MYCBP2: variants seen among roughly 807,000 people sequenced by gnomAD.
The protein encoded by MYCBP2 is MYC binding protein 2.
A neutral mutation model predicts 525.3 loss-of-function variants in MYCBP2; 120 were observed. The observed-to-expected ratio is 0.23, with a 90% confidence interval of 0.20 to 0.27. The LOEUF (loss-of-function observed/expected upper bound fraction) is 0.27. Ranked by LOEUF, MYCBP2 falls within the 10% of genes least tolerant of loss-of-function variation. MYCBP2 has a pLI of 1.00. For missense variants in MYCBP2, 4,149 were observed against 5,657.1 expected, an observed-to-expected ratio of 0.73 and a Z score of 8.55; for synonymous variants, 1,894 against 1,955.8, an observed-to-expected ratio of 0.97 and a Z score of 0.83.
At chr13:77,053,354 A>C (rs776541684) in intron 80 of MYCBP2, among the ~76,000 whole-genome samples, 3 of 152,224 alleles carry the variant, frequency 2.0e-5, no homozygotes, top group Admixed American at 6.5e-5. Flanking sequence ...AGGAACTGGG[A>C]CAATTTGCAT....
chr13:77,126,600 A>G, intron 52 of MYCBP2, 58 bp from the exon 53 acceptor site: 1 of 1,352,212 alleles, frequency 7.4e-7, no homozygotes, highest in Non-Finnish European at 1.0e-6. Context: ...TCACTTTCAA[A>G]GCCTTCCTAT....
In MYCBP2 at chr13:77,088,908, T is replaced by C; in HGVS notation, c.10649A>G (p.His3550Arg). 6.2e-7 allele frequency: 1 copy of C among 1,613,410 alleles called. No individual in the cohort carries two copies. Among genetic ancestry groups the C allele is most frequent in the Non-Finnish European group, 8.5e-7 (1 of 1,179,566 alleles). The change falls in exon 61 of 83, where the codon CAT becomes CGT. Residue 3550 changes from histidine to arginine, a missense_variant. By Grantham distance (29) the His-to-Arg change is conservative. This residue lies in a region of MYCBP2 where 509 missense variants were observed against 789.4 expected (regional missense o/e 0.64). Transcript: ENST00000544440. ...QWPVLAFVIQ[H>R]HDLEGLEIAM... The stretch of plus-strand genomic sequence containing the variant: ...TATTTCAAGACCTTCTAGATCATGA[T>C]GTTGTATAACAAAAGCTAAAACTGG...
chr13:77,165,188 C>T (rs1312444366), intron 42 of MYCBP2, 85 bp downstream of exon 42: 6 of 1,202,936 alleles, frequency 5.0e-6, no homozygotes, highest in Admixed American at 2.1e-5. Flanking sequence ...GGCAACAGTA[C>T]AATTTAAGTC....
rs1321547906 is a variant in MYCBP2, at chr13:77,125,439, T to A, written c.7914A>T (p.Gln2638His). Reference protein sequence around the residue: ...EVTNSEGTWVQLDQNSMVEFC... With the variant: ...EVTNSEGTWVHLDQNSMVEFC... ...ACTCTACCATGCTGTTCTGATCCAG[T>A]TGCACCCATGTCCCTTCAGAATTGG... is the stretch of plus-strand genomic sequence containing the variant. Residue 2638 changes from glutamine to histidine, a missense_variant, in exon 54 of 83, where the codon CAA becomes CAT. Physicochemically the swap from Gln to His is conservative, Grantham distance 24 (BLOSUM62 0). Coordinates refer to ENST00000544440, the MANE Select transcript of MYCBP2 (RefSeq NM_015057.5). The A allele has an allele frequency of 6.2e-7, 1 of 1,613,800 alleles. No individual in the cohort carries two copies. Among genetic ancestry groups the A allele is most frequent in the Admixed American group, 1.7e-5 (1 of 59,992 alleles).
intron 2 of MYCBP2, 27 bp from the exon 3 acceptor site, chr13:77,288,403 T>A: frequency 6.4e-7 from 1 of 1,560,176 alleles, no homozygotes; most frequent in East Asian, 2.2e-5. Context: ...AATATTTCCA[T>A]TTCACACTCT....
chr13:77,050,708 T>C (rs1204221348), intron 82 of MYCBP2, among the ~76,000 whole-genome samples: 1 of 152,084 alleles, frequency 6.6e-6, no homozygotes, highest in Non-Finnish European at 1.5e-5. Context: ...TTGAACTTCA[T>C]ATGACTTTTT....
intron 22 of MYCBP2, among the ~76,000 whole-genome samples, chr13:77,211,551 C>T (rs1466492422): frequency 1.3e-5 from 2 of 152,074 alleles, no homozygotes; most frequent in East Asian, 3.9e-4. Flanking sequence ...TATAATTATT[C>T]ACAGTATCAT....
In MYCBP2 at chr13:77,303,974, G is replaced by A. The variant is rs149008886; in HGVS notation, c.303-7300C>T. Reference sequence around the variant, plus strand: ...AAAAGATTAGTATACATAACAAAAAGACAAAAAATAAATGCTATTGAAGAT... The same window carrying A: ...AAAAGATTAGTATACATAACAAAAAAACAAAAAATAAATGCTATTGAAGAT... On this transcript the variant is annotated intron_variant, in intron 1 of 82. Coordinates refer to ENST00000544440, the MANE Select transcript of MYCBP2 (RefSeq NM_015057.5). Among the ~76,000 whole-genome samples the A allele has an allele frequency of 1.0e-3, 157 of 152,208 alleles. 1 individual carries two copies. Among genetic ancestry groups the A allele is most frequent in the Middle Eastern group, 3.4e-3 (1 of 294 alleles).
At chr13:77,143,218 G>A (rs1430922157) in intron 49 of MYCBP2, among the ~76,000 whole-genome samples, 2 of 152,312 alleles carry the variant, frequency 1.3e-5, no homozygotes, top group East Asian at 3.9e-4. Flanking sequence ...AACCTGGTAA[G>A]GCATTACTTT....
chr13:77,258,597 A>G (rs1187369045), intron 13 of MYCBP2, among the ~76,000 whole-genome samples: 1 of 152,188 alleles, frequency 6.6e-6, no homozygotes, highest in Non-Finnish European at 1.5e-5. Context: ...CTCAGATATC[A>G]CTACCTTAAG....
chr13:77,064,712 G>C lies in MYCBP2; in HGVS notation c.12575C>G (p.Ser4192Cys). The C allele has an allele frequency of 3.7e-6, 6 of 1,613,714 alleles. No homozygotes were observed. Among genetic ancestry groups the C allele is most frequent in the African/African-American group, 1.3e-5 (1 of 75,004 alleles). ...MAAGHLSEAWSRVTKNAIAET... is the reference protein window; with the variant it reads ...MAAGHLSEAWCRVTKNAIAET... ...TGCAATAGCATTTTTTGTCACTCGG[G>C]ACCAAGCTTCTGACAGATGACCCTA... Residue 4192 changes from serine to cysteine, a missense_variant, in exon 73 of 83, where the codon TCC (serine) becomes TGC (cysteine). Physicochemically the swap from Ser to Cys is moderately radical, Grantham distance 112. Transcript: ENST00000544440.
chr13:77,249,103 A>C, intron 15 of MYCBP2, among the ~76,000 whole-genome samples: 1 of 152,220 alleles, frequency 6.6e-6, no homozygotes, highest in East Asian at 1.9e-4. Context: ...TGGATGCCAG[A>C]GGCAGGGGAG....
intron 17 of MYCBP2, among the ~76,000 whole-genome samples, chr13:77,239,097 G>A (rs2068428480): frequency 6.6e-6 from 1 of 152,070 alleles, no homozygotes; most frequent in Admixed American, 6.5e-5. Context: ...TCCAGCCTGG[G>A]TAACAGAGTG....
chr13:77,169,481 G>A (rs1460744587), intron 39 of MYCBP2, 133 bp downstream of exon 39: 6 of 641,628 alleles, frequency 9.4e-6, no homozygotes, highest in Non-Finnish European at 1.7e-5. Context: ...ATAATTAGCA[G>A]ATCTATCTCT....
Position 77,144,549 on chromosome 13 carries a change from T to C in MYCBP2, c.7199A>G (p.Asn2400Ser). 1 of 1,611,474 alleles carries C rather than the reference T, an allele frequency of 6.2e-7. No homozygotes were observed. The change falls in exon 49 of 83, where the codon AAT becomes AGT. Residue 2400 changes from asparagine (N) to serine (S), a missense_variant. This residue lies in a region of MYCBP2 where 692 missense variants were observed against 852.7 expected (regional missense o/e 0.81). Coordinates refer to ENST00000544440, the MANE Select transcript of MYCBP2 (RefSeq NM_015057.5). ...ATCATTATTGACACGGATCAGCATA[T>C]TCTCACTGGGTCTGAAAAGAAATAA... ...ASPTPKRPSE[N>S]MLIRVNNDGT...
intron 48 of MYCBP2, 34 bp downstream of exon 48, chr13:77,146,126 CAT>C (rs749483176): frequency 6.3e-6 from 9 of 1,419,044 alleles, no homozygotes; most frequent in Admixed American, 4.3e-5. Context: ...GCTGACAACA[CAT>C]GTTTTGGTTA....
intron 26 of MYCBP2, among the ~76,000 whole-genome samples, chr13:77,199,064 C>T (rs1045110978): frequency 3.9e-5 from 6 of 152,116 alleles, no homozygotes; most frequent in African/African-American, 1.4e-4. Context: ...GGAACAGCTC[C>T]GGTCTACAGC....
rs534265108 is a variant in MYCBP2 at position 77,164,545 on chromosome 13, T to C, written c.6460-4A>G. Reference sequence around the variant, plus strand: ...CTTTTTCCAATTGGATGACTCCCTATGGAATTGCATAAAATTTGCTGCTTT... The same window carrying C: ...CTTTTTCCAATTGGATGACTCCCTACGGAATTGCATAAAATTTGCTGCTTT... On this transcript the variant is annotated splice_region_variant and splice_polypyrimidine_tract_variant and intron_variant, in intron 42 of 82. Coordinates refer to ENST00000544440, the MANE Select transcript of MYCBP2 (RefSeq NM_015057.5). The C allele has an allele frequency of 9.5e-6, 15 of 1,580,850 alleles. No homozygotes were observed. The highest frequency in any genetic ancestry group is 1.1e-5 in the Non-Finnish European group (13 of 1,150,226).
At chr13:77,286,792 A>G (rs1171720361) in intron 3 of MYCBP2, among the ~76,000 whole-genome samples, 28 of 93,858 alleles carry the variant, frequency 3.0e-4, no homozygotes, top group Admixed American at 5.8e-4. Flanking sequence ...AAAAAAAAAT[A>G]TATATATATA....
Sources: allele counts gnomAD v4.1 joint callset (sites outside exome capture counted in the v4.1 genomes callset), GRCh38; gene constraint gnomAD v4.1.1; regional missense constraint gnomAD v4.1.1; transcripts MANE v1.5; gene names NCBI Gene and HGNC (gene_info 2026-07-23, HGNC 2026-07-21).